The following BAZ2B variants were observed in gnomAD, a reference collection of about 807,000 sequenced individuals.
BAZ2B encodes the protein bromodomain adjacent to zinc finger domain 2B.
In BAZ2B, 91 loss-of-function variants were observed where a neutral mutation model predicts 246.0. That is an observed-to-expected ratio of 0.37 (90% CI 0.31 to 0.44). BAZ2B has a LOEUF of 0.44. BAZ2B is among the 20% of genes least tolerant of loss of function. The probability of loss-of-function intolerance (pLI) is 1.00; values close to 1 mark genes in which losing one functional copy is unlikely to be tolerated. For synonymous variants in BAZ2B, 855 were observed against 860.0 expected, an observed-to-expected ratio of 0.99 and a Z score of 0.10; for missense variants, 2,332 against 2,533.7, an observed-to-expected ratio of 0.92 and a Z score of 1.71.
chr2:159,684,826 A>T, the BAZ2B span, among the ~76,000 whole-genome samples: 1 of 152,236 alleles, frequency 6.6e-6, no homozygotes, highest in Non-Finnish European at 1.5e-5. Flanking sequence ...ATGATATAGA[A>T]TAAAATAATT....
At chr2:159,348,319 CAA>C (rs541304274) in intron 30 of BAZ2B, among the ~76,000 whole-genome samples, 24 of 27,148 alleles carry the variant, frequency 8.8e-4, no homozygotes, top group East Asian at 2.5e-3. Context: ...GACTCTCTCA[CAA>C]AAAAAAAAAA....
chr2:159,600,036 C>A (rs1691772998), intron 1 of BAZ2B, among the ~76,000 whole-genome samples: 1 of 151,854 alleles, frequency 6.6e-6, no homozygotes, highest in Admixed American at 6.6e-5. Context: ...ATGTCCCAGG[C>A]TTGCTTTCTA....
intron 1 of BAZ2B, among the ~76,000 whole-genome samples, chr2:159,585,969 G>T (rs538401120): frequency 7.0e-4 from 107 of 152,138 alleles, no homozygotes; most frequent in African/African-American, 2.5e-3. Context: ...CCAAATTTTT[G>T]GCAAAAGTCA....
At chr2:159,614,362 A>C (rs1317152898) in intron 1 of BAZ2B, among the ~76,000 whole-genome samples, 1 of 152,188 alleles carries the variant, frequency 6.6e-6, no homozygotes, top group African/African-American at 2.4e-5. Flanking sequence ...AATACTCAAT[A>C]ATTGTTTGAC....
intron 13 of BAZ2B, among the ~76,000 whole-genome samples, chr2:159,426,891 A>G (rs1411845429): frequency 6.6e-6 from 1 of 152,172 alleles, no homozygotes; most frequent in East Asian, 1.9e-4. Context: ...CCCTATTCAC[A>G]AAGAAAATAT....
chr2:159,509,300 A>C (rs1007569118), intron 2 of BAZ2B, among the ~76,000 whole-genome samples: 19 of 152,162 alleles, frequency 1.2e-4, no homozygotes, highest in African/African-American at 3.9e-4. Context: ...TTTAATTCTA[A>C]TTACTTGTGG....
chr2:159,468,093 G>A (rs886984146), intron 3 of BAZ2B, among the ~76,000 whole-genome samples: 4 of 152,128 alleles, frequency 2.6e-5, no homozygotes, highest in Non-Finnish European at 5.9e-5. Flanking sequence ...AATGAAAAAG[G>A]ACTCCAGGGT....
the BAZ2B span, among the ~76,000 whole-genome samples, chr2:159,673,379 G>T: frequency 6.6e-6 from 1 of 152,118 alleles, no homozygotes; most frequent in African/African-American, 2.4e-5. Flanking sequence ...GAGGCTGTGA[G>T]GAAATAGGAA....
intron 2 of BAZ2B, among the ~76,000 whole-genome samples, chr2:159,495,161 C>A (rs2080936552): frequency 6.6e-6 from 1 of 152,056 alleles, no homozygotes. Flanking sequence ...AAAAGTTATG[C>A]ATTTTCTCAT....
chr2:159,567,784 C>G lies in BAZ2B; in HGVS notation c.-45-11919G>C, dbSNP rs1436941959. ...GTCAAGAGATCGAGACCATCCTGAC[C>G]AACATGGTGAAACCCCATCTCTACT... is the stretch of plus-strand genomic sequence containing the variant. On this transcript the variant is annotated intron_variant, in intron 1 of 36. Transcript: ENST00000392783. 2.6e-5 allele frequency among the ~76,000 whole-genome samples: 4 copies of G among 152,062 alleles called. No homozygotes were observed. The South Asian group carries it at 8.3e-4, about 32-fold the overall frequency.
intron 27 of BAZ2B, among the ~76,000 whole-genome samples, chr2:159,356,841 T>G (rs1263949212): frequency 6.6e-6 from 1 of 152,146 alleles, no homozygotes. Context: ...AACAAGGGTC[T>G]GGAGTGGACC....
At chr2:159,700,253 G>A in the BAZ2B span, among the ~76,000 whole-genome samples, 8 of 152,098 alleles carry the variant, frequency 5.3e-5, no homozygotes, top group East Asian at 1.9e-4. Flanking sequence ...AACCTCCAGC[G>A]GATATCAAAA....
chr2:159,523,918 C>T (rs1256110697), intron 2 of BAZ2B, among the ~76,000 whole-genome samples: 6 of 152,204 alleles, frequency 3.9e-5, no homozygotes, highest in East Asian at 3.9e-4. Context: ...AGTCCACGGC[C>T]TATCTTTTGC....
intron 25 of BAZ2B, among the ~76,000 whole-genome samples, chr2:159,377,470 T>C (rs1159417026): frequency 6.6e-6 from 1 of 152,200 alleles, no homozygotes; most frequent in Non-Finnish European, 1.5e-5. Context: ...GATCTACCTT[T>C]GCCAGTGAAA....
intron 3 of BAZ2B, among the ~76,000 whole-genome samples, chr2:159,465,314 C>T (rs1281046399): frequency 2.0e-5 from 3 of 152,178 alleles, no homozygotes; most frequent in Non-Finnish European, 4.4e-5. Flanking sequence ...ACCTAATGAT[C>T]TCATTTTAAT....
At chr2:159,374,797 T>G in intron 25 of BAZ2B, 44 bp from the exon 26 acceptor site, 2 of 1,539,698 alleles carry the variant, frequency 1.3e-6, no homozygotes, top group Non-Finnish European at 1.8e-6. Context: ...TTTTAAGATT[T>G]ATTTATTCAA....
intron 13 of BAZ2B, among the ~76,000 whole-genome samples, chr2:159,424,448 G>A (rs1013711574): frequency 6.6e-6 from 1 of 152,026 alleles, no homozygotes; most frequent in Non-Finnish European, 1.5e-5. Context: ...TGCAATGCAG[G>A]TATTATCTTC....
chr2:159,395,920 A>G, intron 19 of BAZ2B, 86 bp from the exon 20 acceptor site: 3 of 1,225,790 alleles, frequency 2.4e-6, no homozygotes, highest in Middle Eastern at 1.9e-4. Context: ...CAAAAACAAA[A>G]CAAAAACTCA....
At chr2:159,700,899 C>T in the BAZ2B span, among the ~76,000 whole-genome samples, 9 of 152,122 alleles carry the variant, frequency 5.9e-5, no homozygotes, top group Admixed American at 5.2e-4. Context: ...CAAACAATTT[C>T]TCAATTTCAT....
Sources: allele counts gnomAD v4.1 joint callset (sites outside exome capture counted in the v4.1 genomes callset), GRCh38; gene constraint gnomAD v4.1.1; transcripts MANE v1.5; gene names NCBI Gene and HGNC (gene_info 2026-07-23, HGNC 2026-07-21).